The following RBFOX1 variants were observed in gnomAD, a reference collection of about 807,000 sequenced individuals.
RBFOX1 encodes RNA binding protein fox-1 homolog 1.
A neutral mutation model predicts 57.7 loss-of-function variants in RBFOX1; 8 were observed. The observed-to-expected ratio is 0.14, with a 90% CI of 0.08 to 0.25. RBFOX1 has a LOEUF of 0.25. Among genes scored for constraint, RBFOX1 ranks in the 10% least tolerant of loss-of-function variants. The pLI is 1.00. For missense variants in RBFOX1, 611 were observed against 548.5 expected (o/e 1.11, Z -1.14); for synonymous variants, 326 against 222.4 (o/e 1.47, Z -4.15).
chr16:7,499,820 C>A (rs1156830053), intron 4 of RBFOX1, among the ~76,000 whole-genome samples: 4 of 151,080 alleles, frequency 2.6e-5, no homozygotes, highest in Non-Finnish European at 5.9e-5. Context: ...GTTGTTGAGA[C>A]AATTAACTAC....
intron 4 of RBFOX1, among the ~76,000 whole-genome samples, chr16:7,147,327 C>G (rs1467565875): frequency 6.8e-6 from 1 of 147,828 alleles, no homozygotes; most frequent in Non-Finnish European, 1.5e-5. Context: ...TTTTTTTCAA[C>G]TTTTATTTTA....
Position 6,657,084 on chromosome 16 carries a change from TCTCCTCCCCTTTACTCTCCTCTCCTCC to T in RBFOX1, c.-16+2436_-16+2462del, listed in dbSNP as rs2098662894. 5.2e-5 allele frequency among the ~76,000 whole-genome samples: 6 copies of T among 114,482 alleles called. 1 individual carries two copies. The South Asian group carries it at 1.6e-3, about 31-fold the overall frequency. 75.1% of individuals were successfully genotyped at this position (114,482 alleles called of 152,430 possible). ...TTTCCTCTCCTCTCCTCCCCTTTCC[TCTCCTCCCCTTTACTCTCCTCTCCTCC>T]CCTCTCCTCTCCTCTCCTCTCCTCT... On this transcript the variant is annotated intron_variant, in intron 3 of 15. Transcript: ENST00000550418.
At chr16:6,181,735 C>T (rs139023100) in intron 1 of RBFOX1, among the ~76,000 whole-genome samples, 1 of 152,218 alleles carries the variant, frequency 6.6e-6, no homozygotes, top group African/African-American at 2.4e-5. Context: ...GGATAAGATC[C>T]TGTCATCTAT....
intron 2 of RBFOX1, among the ~76,000 whole-genome samples, chr16:6,650,002 C>G (rs2098569252): frequency 6.6e-6 from 1 of 152,122 alleles, no homozygotes. Context: ...CCTATCTTGG[C>G]TATTGTGAAT....
intron 4 of RBFOX1, among the ~76,000 whole-genome samples, chr16:7,309,933 C>T (rs1440946573): frequency 6.6e-6 from 1 of 152,152 alleles, no homozygotes; most frequent in African/African-American, 2.4e-5. Flanking sequence ...CTGTTTAATT[C>T]AGTTAAGAAA....
chr16:6,492,557 A>T (rs963237076), intron 2 of RBFOX1, among the ~76,000 whole-genome samples: 2 of 152,096 alleles, frequency 1.3e-5, no homozygotes, highest in African/African-American at 4.8e-5. Context: ...TGACAGAGTG[A>T]GACTCCATCT....
At chr16:6,655,202 C>T (rs533598282) in intron 3 of RBFOX1, among the ~76,000 whole-genome samples, 5 of 151,202 alleles carry the variant, frequency 3.3e-5, no homozygotes, top group East Asian at 3.9e-4. Flanking sequence ...GGGGAAACCC[C>T]GTATCTACTA....
chr16:6,687,998 C>T (rs895796957), intron 3 of RBFOX1, among the ~76,000 whole-genome samples: 1 of 152,214 alleles, frequency 6.6e-6, no homozygotes, highest in African/African-American at 2.4e-5. Context: ...GAAACATCTT[C>T]TATGCCAAGC....
At chr16:5,558,499 G>C (rs188647852) in intron 2 of RBFOX1, among the ~76,000 whole-genome samples, 138 of 152,200 alleles carry the variant, frequency 9.1e-4, no homozygotes, top group African/African-American at 3.2e-3. Context: ...CATTTCACTT[G>C]TACCCTGTAC....
At chr16:5,943,831 A>G (rs2059331239) in intron 4 of RBFOX1, among the ~76,000 whole-genome samples, 1 of 151,428 alleles carries the variant, frequency 6.6e-6, no homozygotes, top group South Asian at 2.1e-4. Context: ...CCATCCATCG[A>G]CCCACCCATT....
At chr16:7,354,598 T>A (rs919622860) in intron 4 of RBFOX1, among the ~76,000 whole-genome samples, 1 of 152,212 alleles carries the variant, frequency 6.6e-6, no homozygotes. Context: ...AGGATTTCAT[T>A]CAATTTAAGC....
At chr16:5,831,915 C>T (rs2056288789) in intron 3 of RBFOX1, among the ~76,000 whole-genome samples, 1 of 152,114 alleles carries the variant, frequency 6.6e-6, no homozygotes. Flanking sequence ...GTTTCTACTG[C>T]CTGAAATAGA....
chr16:7,125,721 C>T (rs555526067), intron 4 of RBFOX1, among the ~76,000 whole-genome samples: 1 of 152,020 alleles, frequency 6.6e-6, no homozygotes, highest in South Asian at 2.1e-4. Flanking sequence ...GATGCCTAAA[C>T]TCCCTTTGTT....
At chr16:5,366,238 T>A (rs77251308) in intron 1 of RBFOX1, 13,949 of 412,992 alleles carry the variant, frequency 0.034, 371 homozygotes, top group South Asian at 0.066. Flanking sequence ...GGTGGTAGCA[T>A]GGTTCCACAG....
rs192443984 is a variant in RBFOX1 at position 6,059,443 on chromosome 16, C to G, written c.-127+39451C>G. On this transcript the variant is annotated intron_variant, in intron 1 of 15. Coordinates refer to ENST00000550418, the MANE Select transcript of RBFOX1 (RefSeq NM_018723.4). ...ATAAACATTTATATAATAATTTATA[C>G]TAAAGAAAATACATATAACATGTAT... Among the ~76,000 whole-genome samples the G allele has an allele frequency of 9.5e-4, 145 of 152,166 alleles. 1 individual carries two copies. The highest frequency in any genetic ancestry group is 3.0e-3 in the African/African-American group (124 of 41,528).
chr16:6,411,071 T>C (rs142741362), intron 2 of RBFOX1, among the ~76,000 whole-genome samples: 1 of 152,318 alleles, frequency 6.6e-6, no homozygotes, highest in Non-Finnish European at 1.5e-5. Flanking sequence ...GCTAGTATTA[T>C]TCCCCTACTC....
At chr16:6,228,652 G>A (rs1598574658) in intron 1 of RBFOX1, among the ~76,000 whole-genome samples, 1 of 152,246 alleles carries the variant, frequency 6.6e-6, no homozygotes, top group East Asian at 1.9e-4. Flanking sequence ...GTTACCAAGG[G>A]CTGGTGGCTG....
At chr16:6,073,349 G>T (rs193149396) in intron 1 of RBFOX1, among the ~76,000 whole-genome samples, 2 of 152,128 alleles carry the variant, frequency 1.3e-5, no homozygotes, top group Non-Finnish European at 2.9e-5. Context: ...ATTCTCTCTT[G>T]TATCTGGGAT....
chr16:5,591,904 C>G (rs562995444), intron 2 of RBFOX1, among the ~76,000 whole-genome samples: 4 of 152,120 alleles, frequency 2.6e-5, no homozygotes, highest in African/African-American at 9.7e-5. Flanking sequence ...ATCCCTAGTC[C>G]GAATATTATC....
Sources: allele counts gnomAD v4.1 joint callset (sites outside exome capture counted in the v4.1 genomes callset), GRCh38; gene constraint gnomAD v4.1.1; transcripts MANE v1.5; gene names NCBI Gene and HGNC (gene_info 2026-07-23, HGNC 2026-07-21).